TMEM120B: variants seen among roughly 807,000 people sequenced by gnomAD.
The protein encoded by TMEM120B is transmembrane protein 120B.
Under a neutral mutation model 55.5 loss-of-function variants are expected in TMEM120B, and 31 were observed. That is an observed-to-expected ratio of 0.56 (90% CI 0.42 to 0.75). The LOEUF is 0.75. TMEM120B is among the 30% of genes least tolerant of loss of function. The pLI is 0.00. For synonymous variants in TMEM120B, 203 were observed against 176.3 expected, an observed-to-expected ratio of 1.15 and a Z score of -1.20; for missense variants, 399 against 425.5, an observed-to-expected ratio of 0.94 and a Z score of 0.55.
chr12:121,744,779 C>T (rs899686144), intron 2 of TMEM120B, among the ~76,000 whole-genome samples: 7 of 152,188 alleles, frequency 4.6e-5, no homozygotes, highest in Non-Finnish European at 8.8e-5. Context: ...TCCTGGTCAA[C>T]TCTTTCCTTG....
chr12:121,729,622 A>G (rs1566508602), intron 1 of TMEM120B, among the ~76,000 whole-genome samples: 2 of 150,824 alleles, frequency 1.3e-5, no homozygotes, highest in Non-Finnish European at 3.0e-5. Flanking sequence ...CCTGGGCAAC[A>G]TAGACCATCT....
chr12:121,759,148 T>A (rs1252118993), intron 5 of TMEM120B, among the ~76,000 whole-genome samples: 11 of 139,260 alleles, frequency 7.9e-5, no homozygotes, highest in African/African-American at 2.7e-4. Context: ...TGAGGTGGAG[T>A]CTCGCTCACT....
chr12:121,724,030 CTTTTTTT>C (rs56972824), intron 1 of TMEM120B, among the ~76,000 whole-genome samples: 18,322 of 76,136 alleles, frequency 0.24, 1,358 homozygotes, highest in East Asian at 0.41. Flanking sequence ...TCAAGTGATC[CTTTTTTT>C]TTTTTTTTTT....
At chr12:121,750,740 A>C in intron 4 of TMEM120B, among the ~76,000 whole-genome samples, 1 of 112,798 alleles carries the variant, frequency 8.9e-6, no homozygotes, top group African/African-American at 3.5e-5. Context: ...CCCACACCCC[A>C]TACTCACACC....
intron 6 of TMEM120B, among the ~76,000 whole-genome samples, chr12:121,763,193 T>G (rs1392821738): frequency 6.9e-6 from 1 of 145,474 alleles, no homozygotes; most frequent in East Asian, 2.0e-4. Context: ...GACGAAGTCT[T>G]GCTCTGTCGC....
intron 1 of TMEM120B, among the ~76,000 whole-genome samples, chr12:121,732,835 C>T (rs761766601): frequency 3.9e-5 from 6 of 151,902 alleles, no homozygotes; most frequent in African/African-American, 1.5e-4. Flanking sequence ...AAAAATTAGC[C>T]GGGCGTGGTG....
intron 6 of TMEM120B, 63 bp downstream of exon 6, chr12:121,761,801 C>A: frequency 7.4e-7 from 1 of 1,352,276 alleles, no homozygotes; most frequent in Non-Finnish European, 1.1e-6. Context: ...TCACGAGGGG[C>A]GTCAGATGGG....
In TMEM120B at chr12:121,779,692, G is replaced by A. The variant is rs749175097; in HGVS notation, c.*3970G>A. ...GTGGGGGGAGGAGCCAGCATTAGGT[G>A]AGGGGCCCCTGGAGGTCTCCTAGCA... On this transcript the variant is annotated 3_prime_UTR_variant, in exon 12 of 12. Transcript: ENST00000449592. 2.5e-6 allele frequency: 4 copies of A among 1,611,990 alleles called. No individual in the cohort carries two copies. Among genetic ancestry groups the A allele is most frequent in the East Asian group, 2.2e-5 (1 of 44,872 alleles).
chr12:121,722,424 A>T (rs552808547), intron 1 of TMEM120B, among the ~76,000 whole-genome samples: 1 of 152,192 alleles, frequency 6.6e-6, no homozygotes, highest in Admixed American at 6.6e-5. Flanking sequence ...TAAGTAATAC[A>T]TATTCACACA....
chr12:121,755,035 T>C (rs1325540009), intron 5 of TMEM120B, among the ~76,000 whole-genome samples: 1 of 152,172 alleles, frequency 6.6e-6, no homozygotes, highest in Non-Finnish European at 1.5e-5. Context: ...GTTAGACTGG[T>C]GCCTGTTTAA....
intron 6 of TMEM120B, among the ~76,000 whole-genome samples, chr12:121,762,214 A>G (rs2137294972): frequency 6.6e-6 from 1 of 151,616 alleles, no homozygotes; most frequent in Non-Finnish European, 1.5e-5. Context: ...CAGAGGTTGC[A>G]GTGAGCTGAG....
chr12:121,750,516 ACT>A (rs1873244649), intron 4 of TMEM120B, 77 bp downstream of exon 4: 1 of 1,083,552 alleles, frequency 9.2e-7, no homozygotes, highest in African/African-American at 1.9e-5. Flanking sequence ...CAAACCCCAC[ACT>A]GAGAACCCAC....
Position 121,781,330 on chromosome 12 carries a change from G to C in TMEM120B, c.*5608G>C, listed in dbSNP as rs1441712020. ...ATCTATACAATGGGCAGCAAGCCAGGAGTGCTGGCACAGGCCTGTGGTCGC... is the reference window on the plus strand; with the variant it reads ...ATCTATACAATGGGCAGCAAGCCAGCAGTGCTGGCACAGGCCTGTGGTCGC... On this transcript the variant is annotated 3_prime_UTR_variant, in exon 12 of 12. Coordinates refer to ENST00000449592, the MANE Select transcript of TMEM120B (RefSeq NM_001080825.2). 7 of 715,298 alleles carry C rather than the reference G, an allele frequency of 9.8e-6. No individual in the cohort carries two copies. The highest frequency in any genetic ancestry group is 1.4e-5 in the Non-Finnish European group (6 of 431,624). 44.3% of individuals were successfully genotyped at this position (715,298 alleles called of 1,614,324 possible). A position where few individuals can be genotyped will look rare whatever the true frequency, so the allele number is the denominator to read the frequency against.
chr12:121,726,936 A>AAAAAAAAAC (rs1894907054), intron 1 of TMEM120B, among the ~76,000 whole-genome samples: 1 of 139,082 alleles, frequency 7.2e-6, no homozygotes, highest in African/African-American at 2.7e-5. Context: ...AAAAAAAAAA[A>AAAAAAAAAC]GCTTCAGGCT....
chr12:121,728,215 C>T (rs926856010), intron 1 of TMEM120B, among the ~76,000 whole-genome samples: 1 of 151,664 alleles, frequency 6.6e-6, no homozygotes, highest in Non-Finnish European at 1.5e-5. Flanking sequence ...ACAGGCCGGG[C>T]ACGGTGGCTC....
intron 5 of TMEM120B, among the ~76,000 whole-genome samples, chr12:121,756,488 A>T (rs576100325): frequency 6.6e-6 from 1 of 152,252 alleles, no homozygotes; most frequent in East Asian, 1.9e-4. Context: ...TCAAACTCCT[A>T]AAGTCTTTGT....
chr12:121,740,244 G>A (rs1305142258), intron 1 of TMEM120B, among the ~76,000 whole-genome samples: 1 of 152,046 alleles, frequency 6.6e-6, no homozygotes, highest in Non-Finnish European at 1.5e-5. Context: ...CAGCACTTTG[G>A]GAGGCTGAGG....
At position 121,780,305 on chromosome 12, in the gene TMEM120B, G is replaced by A. The variant is rs1351184964; in HGVS notation, c.*4583G>A. 1.3e-5 allele frequency: 2 copies of A among 158,288 alleles called. No homozygotes were observed. Among genetic ancestry groups the A allele is most frequent in the South Asian group, 1.9e-4 (1 of 5,248 alleles). 9.8% of individuals were successfully genotyped at this position (158,288 alleles called of 1,614,324 possible). A position where few individuals can be genotyped will look rare whatever the true frequency, so the allele number is the denominator to read the frequency against. On this transcript the variant is annotated 3_prime_UTR_variant, in exon 12 of 12. Transcript: ENST00000449592. ...ACTCCCAACCTCAGGTGATTCGCCC[G>A]CCTCGGCCTCCCAAAGTGCTGGGAT...
intron 6 of TMEM120B, among the ~76,000 whole-genome samples, chr12:121,762,119 T>C (rs1300131103): frequency 4.6e-5 from 7 of 152,020 alleles, no homozygotes; most frequent in African/African-American, 1.2e-4. Context: ...AGTGAAACCC[T>C]GTCTCTACTA....
Sources: allele counts gnomAD v4.1 joint callset (sites outside exome capture counted in the v4.1 genomes callset), GRCh38; gene constraint gnomAD v4.1.1; transcripts MANE v1.5; gene names NCBI Gene and HGNC (gene_info 2026-07-23, HGNC 2026-07-21).